The following PSMA3 variants were observed in gnomAD, a reference collection of about 807,000 sequenced individuals.
The protein encoded by PSMA3 is proteasome subunit alpha type-3.
A neutral mutation model predicts 40.0 loss-of-function variants in PSMA3; 8 were observed. The observed-to-expected ratio is 0.20, with a 90% CI of 0.12 to 0.36. The LOEUF (loss-of-function observed/expected upper bound fraction) is 0.36, where lower values mean the gene tolerates loss of function less well. PSMA3 is among the 10% of genes least tolerant of loss of function. The probability of loss-of-function intolerance (pLI) is 1.00; values close to 1 mark genes in which losing one functional copy is unlikely to be tolerated. For missense variants in PSMA3, 219 were observed against 310.6 expected (o/e 0.70, Z 2.22); for synonymous variants, 110 against 100.0 (o/e 1.10, Z -0.59).
chr14:58,245,723 C>T (rs1172275417), intron 1 of PSMA3, among the ~76,000 whole-genome samples: 1 of 152,142 alleles, frequency 6.6e-6, no homozygotes, highest in African/African-American at 2.4e-5. Context: ...ATAGAAAATA[C>T]AGTTTCTAAA....
chr14:58,270,865 A>G (rs1471253351), intron 9 of PSMA3, 69 bp from the exon 10 acceptor site: 10 of 1,305,562 alleles, frequency 7.7e-6, no homozygotes, highest in South Asian at 4.0e-5. Flanking sequence ...GGTAGATCCT[A>G]TGGTATACTG....
At chr14:58,248,263 TC>T (rs1566637242) in intron 2 of PSMA3, among the ~76,000 whole-genome samples, 2 of 152,254 alleles carry the variant, frequency 1.3e-5, no homozygotes, top group Non-Finnish European at 2.9e-5. Flanking sequence ...TGAGTCTCAC[TC>T]TGTCACCTAG....
intron 6 of PSMA3, chr14:58,263,476 T>A: frequency 2.7e-6 from 1 of 373,664 alleles, no homozygotes; most frequent in Non-Finnish European, 4.8e-6. Flanking sequence ...ATAATTTACA[T>A]ATTTTTGGAT....
At chr14:58,261,083 G>T in intron 6 of PSMA3, 63 bp downstream of exon 6, 1 of 1,109,660 alleles carries the variant, frequency 9.0e-7, no homozygotes, top group Non-Finnish European at 1.3e-6. Flanking sequence ...TAGCATTTAA[G>T]TCTCATTATA....
chr14:58,252,101 T>A lies in PSMA3; in HGVS notation c.105-18T>A, dbSNP rs376148132. On this transcript the variant is annotated intron_variant, in intron 2 of 10. Transcript: ENST00000216455. ...TTTATTTTCAGTTAAAAAACTGATTTTCTTCTCCTTGTTTCAGTACAGCTA... is the reference window on the plus strand; with the variant it reads ...TTTATTTTCAGTTAAAAAACTGATTATCTTCTCCTTGTTTCAGTACAGCTA... 14 of 1,568,836 alleles carry A rather than the reference T, an allele frequency of 8.9e-6. No homozygotes were observed. The highest frequency in any genetic ancestry group is 1.2e-5 in the Non-Finnish European group (14 of 1,167,198).
chr14:58,267,729 TA>T, intron 8 of PSMA3: 4 of 936,306 alleles, frequency 4.3e-6, no homozygotes, highest in Non-Finnish European at 5.4e-6. Context: ...ATGGGAAAAA[TA>T]GCTTGACAAA....
chr14:58,251,700 A>T (rs916275325), intron 2 of PSMA3, among the ~76,000 whole-genome samples: 1 of 152,240 alleles, frequency 6.6e-6, no homozygotes, highest in African/African-American at 2.4e-5. Flanking sequence ...AGGAAGAATA[A>T]ATCATAATCC....
rs760006614 is a variant in PSMA3 at position 58,263,724 on chromosome 14, T to C, written c.497T>C (p.Ile166Thr). Residue 166 changes from isoleucine (I) to threonine (T), a missense_variant, in exon 7 of 11, where the codon ATC becomes ACC. Ile to Thr is a moderately conservative substitution (Grantham distance 89). Coordinates refer to ENST00000216455, the MANE Select transcript of PSMA3 (RefSeq NM_002788.4). Reference sequence around the variant, plus strand: ...AAATAGGGTTATTGGGGCTGTGCCATCGGCAAAGCCAGGCAAGCTGCAAAG... The same window carrying C: ...AAATAGGGTTATTGGGGCTGTGCCACCGGCAAAGCCAGGCAAGCTGCAAAG... ...GVSYGYWGCA[I>T]GKARQAAKTE... The C allele has an allele frequency of 6.2e-7, 1 of 1,613,740 alleles. No homozygotes were observed. Among genetic ancestry groups the C allele is most frequent in the Non-Finnish European group, 8.5e-7 (1 of 1,179,810 alleles).
chr14:58,258,174 A>C, intron 5 of PSMA3, 176 bp downstream of exon 5: 6 of 553,688 alleles, frequency 1.1e-5, no homozygotes, highest in African/African-American at 1.9e-5. Flanking sequence ...GCCATGGCTC[A>C]AGCCTGTAAT....
Position 58,247,734 on chromosome 14 carries a change from C to T in PSMA3, c.22-16C>T, listed in dbSNP as rs755125696. The T allele has an allele frequency of 1.3e-6, 2 of 1,538,656 alleles. No individual in the cohort carries two copies. Among genetic ancestry groups the T allele is most frequent in the Non-Finnish European group, 1.8e-6 (2 of 1,121,584 alleles). ...TGCCAAAGATACAAGCTTACTGTTG[C>T]CCTTTTCTCCTTAAGTATGACCTGT... is the stretch of plus-strand genomic sequence containing the variant. On this transcript the variant is annotated splice_polypyrimidine_tract_variant and intron_variant, in intron 1 of 10. Coordinates refer to ENST00000216455, the MANE Select transcript of PSMA3 (RefSeq NM_002788.4).
chr14:58,252,423 G>C (rs1378768064), intron 3 of PSMA3, among the ~76,000 whole-genome samples, 181 bp downstream of exon 3: 1 of 152,186 alleles, frequency 6.6e-6, no homozygotes, highest in Non-Finnish European at 1.5e-5. Flanking sequence ...GAAAAACCAA[G>C]TTGCTGAAAG....
At chr14:58,254,094 C>A (rs11624224) in intron 3 of PSMA3, among the ~76,000 whole-genome samples, 1 of 151,300 alleles carries the variant, frequency 6.6e-6, no homozygotes, top group South Asian at 2.1e-4. Flanking sequence ...TCTGTTGTTC[C>A]TGTCTTTGTA....
intron 5 of PSMA3, among the ~76,000 whole-genome samples, chr14:58,260,543 A>G (rs1890252098): frequency 6.6e-6 from 1 of 152,226 alleles, no homozygotes. Context: ...GATTGGCAGG[A>G]TATTGGGAAA....
chr14:58,269,081 CCCA>C (rs1890533671), intron 8 of PSMA3, among the ~76,000 whole-genome samples: 1 of 151,910 alleles, frequency 6.6e-6, no homozygotes, highest in Non-Finnish European at 1.5e-5. Context: ...ATTACAGGCG[CCCA>C]CCACCACACC....
At position 58,268,391 on chromosome 14, in the gene PSMA3, G is replaced by A. The variant is rs1473110122; in HGVS notation, c.590+871G>A. 7.2e-5 allele frequency among the ~76,000 whole-genome samples: 11 copies of A among 152,238 alleles called. No individual in the cohort carries two copies. In the East Asian group the frequency reaches 1.7e-3, roughly 24 times the overall value. ...ATACGTGGAAGAAAAAAATTCCAAT[G>A]GGCTCTATTGTTTAATAAACATACT... On this transcript the variant is annotated intron_variant, in intron 8 of 10. Coordinates refer to ENST00000216455, the MANE Select transcript of PSMA3 (RefSeq NM_002788.4).
At chr14:58,247,889 G>A (rs1273255360) in intron 2 of PSMA3, 57 bp downstream of exon 2, 3 of 1,234,052 alleles carry the variant, frequency 2.4e-6, no homozygotes, top group South Asian at 2.7e-5. Context: ...TATTTTTGGC[G>A]ATTAGGCTTT....
At chr14:58,251,220 G>A (rs1011993102) in intron 2 of PSMA3, among the ~76,000 whole-genome samples, 1 of 152,220 alleles carries the variant, frequency 6.6e-6, no homozygotes, top group Admixed American at 6.5e-5. Context: ...AGGAATAGAA[G>A]AATAAAGTGT....
intron 2 of PSMA3, among the ~76,000 whole-genome samples, chr14:58,249,459 G>T (rs937974817): frequency 6.6e-6 from 1 of 152,122 alleles, no homozygotes; most frequent in Non-Finnish European, 1.5e-5. Context: ...CAAAGTGATG[G>T]GATTACAGGT....
chr14:58,261,127 G>A (rs879197666), intron 6 of PSMA3, 107 bp downstream of exon 6: 17 of 744,612 alleles, frequency 2.3e-5, no homozygotes, highest in African/African-American at 1.7e-4. Flanking sequence ...ACTCATTCAA[G>A]GAAAGTAATT....
Sources: allele counts gnomAD v4.1 joint callset (sites outside exome capture counted in the v4.1 genomes callset), GRCh38; gene constraint gnomAD v4.1.1; transcripts MANE v1.5; gene names NCBI Gene and HGNC (gene_info 2026-07-23, HGNC 2026-07-21).